The following PIP4K2A variants were observed in gnomAD, a reference collection of about 807,000 sequenced individuals.
PIP4K2A encodes phosphatidylinositol 5-phosphate 4-kinase type-2 alpha.
Under a neutral mutation model 42.9 loss-of-function variants are expected in PIP4K2A, and 14 were observed. The observed-to-expected ratio is 0.33, with a 90% CI of 0.22 to 0.51. The LOEUF is 0.51. Among genes scored for constraint, PIP4K2A ranks in the 20% least tolerant of loss-of-function variants. The probability of loss-of-function intolerance (pLI) is 0.97; values close to 1 mark genes in which losing one functional copy is unlikely to be tolerated. For missense variants in PIP4K2A, 434 were observed against 519.8 expected (o/e 0.83, Z 1.61); for synonymous variants, 192 against 192.2 (o/e 1.00, Z 0.01).
intron 3 of PIP4K2A, among the ~76,000 whole-genome samples, chr10:22,601,257 CT>C (rs1346494880): frequency 6.6e-6 from 1 of 150,560 alleles, no homozygotes; most frequent in African/African-American, 2.4e-5. Context: ...TGTCAGCTCT[CT>C]GTCAAAAGCC....
At chr10:22,668,050 C>T (rs1839383971) in intron 1 of PIP4K2A, among the ~76,000 whole-genome samples, 1 of 152,102 alleles carries the variant, frequency 6.6e-6, no homozygotes, top group Non-Finnish European at 1.5e-5. Flanking sequence ...CTCCCAGGTT[C>T]AAGCAATTCA....
intron 1 of PIP4K2A, among the ~76,000 whole-genome samples, chr10:22,678,927 G>T (rs1374586333): frequency 6.6e-6 from 1 of 152,154 alleles, no homozygotes; most frequent in East Asian, 1.9e-4. Context: ...GTCCTTGAAG[G>T]ATCTGCCTTT....
In PIP4K2A at chr10:22,571,947, G is replaced by C. The variant is rs567708993; in HGVS notation, c.639+1364C>G. ...TTGTCTCATTCATGTTTTTGCTTTT[G>C]GAAAATAGTTATTTTTCATAAAAAT... On this transcript the variant is annotated intron_variant, in intron 5 of 9. Transcript: ENST00000376573. Among the ~76,000 whole-genome samples the C allele has an allele frequency of 3.3e-5, 5 of 152,116 alleles. No homozygotes were observed. The South Asian group carries it at 6.2e-4, about 19-fold the overall frequency.
chr10:22,608,787 G>A (rs1016985832), intron 2 of PIP4K2A, among the ~76,000 whole-genome samples: 1 of 152,078 alleles, frequency 6.6e-6, no homozygotes, highest in Non-Finnish European at 1.5e-5. Flanking sequence ...TCAGGAAGGG[G>A]GATTGCTTGA....
At chr10:22,636,531 T>C (rs935133864) in intron 1 of PIP4K2A, among the ~76,000 whole-genome samples, 1 of 152,140 alleles carries the variant, frequency 6.6e-6, no homozygotes, top group African/African-American at 2.4e-5. Flanking sequence ...CCCAAAGTGG[T>C]AGGATTATAG....
At chr10:22,707,847 T>A (rs961051212) in intron 1 of PIP4K2A, among the ~76,000 whole-genome samples, 1 of 152,208 alleles carries the variant, frequency 6.6e-6, no homozygotes, top group African/African-American at 2.4e-5. Context: ...GGTCCATGGA[T>A]AGAATTAAAA....
intron 3 of PIP4K2A, among the ~76,000 whole-genome samples, chr10:22,601,149 A>C (rs1410120335): frequency 7.9e-5 from 11 of 139,680 alleles, no homozygotes; most frequent in Admixed American, 2.9e-4. Flanking sequence ...AAAAAAAAAA[A>C]AAAAAAAAAA....
chr10:22,601,180 C>A (rs1366584459), intron 3 of PIP4K2A, among the ~76,000 whole-genome samples: 1 of 132,848 alleles, frequency 7.5e-6, no homozygotes, highest in Non-Finnish European at 1.6e-5. Flanking sequence ...AGGAACATGT[C>A]CCCAAGGCTC....
intron 1 of PIP4K2A, among the ~76,000 whole-genome samples, chr10:22,638,615 T>C (rs556871458): frequency 6.6e-6 from 1 of 152,200 alleles, no homozygotes; most frequent in Non-Finnish European, 1.5e-5. Flanking sequence ...AAAATAAGTA[T>C]CTTAAACGGA....
intron 1 of PIP4K2A, among the ~76,000 whole-genome samples, chr10:22,613,470 A>G (rs754437890): frequency 9.9e-5 from 15 of 152,184 alleles, no homozygotes; most frequent in Middle Eastern, 3.4e-3. Context: ...GAGGGAAAAG[A>G]GATAGGTGTC....
At chr10:22,601,429 G>A (rs1247374091) in intron 3 of PIP4K2A, among the ~76,000 whole-genome samples, 1 of 152,204 alleles carries the variant, frequency 6.6e-6, no homozygotes, top group East Asian at 1.9e-4. Context: ...GATGGGCTGT[G>A]AGGGAGCTTC....
chr10:22,612,586 C>T (rs1196663011), intron 1 of PIP4K2A, among the ~76,000 whole-genome samples: 1 of 152,152 alleles, frequency 6.6e-6, no homozygotes, highest in Non-Finnish European at 1.5e-5. Flanking sequence ...GAGAGCAGCT[C>T]AGCAGAGGGC....
At chr10:22,608,522 T>C (rs1259883939) in intron 2 of PIP4K2A, among the ~76,000 whole-genome samples, 1 of 152,194 alleles carries the variant, frequency 6.6e-6, no homozygotes, top group African/African-American at 2.4e-5. Flanking sequence ...AACACTGTTA[T>C]GAGAAAAATT....
intron 1 of PIP4K2A, among the ~76,000 whole-genome samples, chr10:22,625,899 G>A (rs375220122): frequency 6.6e-6 from 1 of 152,078 alleles, no homozygotes; most frequent in East Asian, 1.9e-4. Context: ...AGGAGGGAGG[G>A]GAAATGGCCT....
rs1836380770 is a variant in PIP4K2A, at chr10:22,550,533, C to G, written c.792+126G>C. ...ATGAGACACCTTCATGTCTGACTTC[C>G]CTAAGGTAGAGTATGCAGGTTTTTG... is the stretch of plus-strand genomic sequence containing the variant. On this transcript the variant is annotated intron_variant, in intron 7 of 9. Coordinates refer to ENST00000376573, the MANE Select transcript of PIP4K2A (RefSeq NM_005028.5). The G allele has an allele frequency of 5.7e-6, 4 of 698,010 alleles. No homozygotes were observed. In the Admixed American group the frequency reaches 7.5e-5, roughly 13 times the overall value. 43.2% of individuals were successfully genotyped at this position (698,010 alleles called of 1,614,324 possible).
intron 1 of PIP4K2A, among the ~76,000 whole-genome samples, chr10:22,656,260 C>A (rs1413309172): frequency 6.6e-6 from 1 of 152,218 alleles, no homozygotes; most frequent in Non-Finnish European, 1.5e-5. Context: ...TGTGTCCCCA[C>A]CTGGGGCACC....
intron 4 of PIP4K2A, among the ~76,000 whole-genome samples, chr10:22,582,159 T>C (rs1837295710): frequency 6.6e-6 from 1 of 152,042 alleles, no homozygotes; most frequent in South Asian, 2.1e-4. Flanking sequence ...AGGTAAAGTT[T>C]CTCCCTTCCT....
intron 4 of PIP4K2A, among the ~76,000 whole-genome samples, chr10:22,586,027 T>G (rs1564431742): frequency 6.6e-6 from 1 of 152,240 alleles, no homozygotes; most frequent in Non-Finnish European, 1.5e-5. Context: ...AAATAGGTTT[T>G]TTACCATTTT....
chr10:22,648,157 A>C (rs930899104), intron 1 of PIP4K2A, among the ~76,000 whole-genome samples: 3 of 152,222 alleles, frequency 2.0e-5, no homozygotes, highest in African/African-American at 7.2e-5. Flanking sequence ...CACTCTGTTT[A>C]AATATACAGT....
Sources: gnomAD v4.1 joint callset for allele counts (sites outside exome capture counted in the v4.1 genomes callset) on GRCh38, gnomAD v4.1.1 for gene constraint, MANE v1.5 for transcripts, NCBI Gene and HGNC (gene_info 2026-07-23, HGNC 2026-07-21) for gene names.